The following TTC5 variants were observed in gnomAD, a reference collection of about 807,000 sequenced individuals.
TTC5 encodes the protein tetratricopeptide repeat protein 5.
A neutral mutation model predicts 57.4 loss-of-function variants in TTC5; 46 were observed. The observed-to-expected ratio is 0.80, with a 90% CI of 0.63 to 1.03. The LOEUF (loss-of-function observed/expected upper bound fraction) is 1.03, where lower values mean the gene tolerates loss of function less well. Among genes scored for constraint, TTC5 ranks in the 50% least tolerant of loss-of-function variants. The pLI is 0.00. For synonymous variants in TTC5, 190 were observed against 203.5 expected, an observed-to-expected ratio of 0.93 and a Z score of 0.57; for missense variants, 504 against 528.1, an observed-to-expected ratio of 0.95 and a Z score of 0.45.
chr14:20,300,258 C>G (rs903561713), intron 3 of TTC5: 1 of 165,422 alleles, frequency 6.0e-6, no homozygotes, highest in Non-Finnish European at 1.3e-5. Flanking sequence ...CTCGGCCTCT[C>G]AAAGTGCTAG....
rs769650392 is a variant in TTC5, at chr14:20,295,392, C to T, written c.978G>A (p.Thr326=). The T allele has an allele frequency of 1.1e-5, 18 of 1,614,052 alleles. No homozygotes were observed. Among genetic ancestry groups the T allele is most frequent in the South Asian group, 4.4e-5 (4 of 91,084 alleles). The change falls in exon 8 of 10, where the codon ACG becomes ACA. Residue 326 remains threonine (T), a synonymous_variant. Transcript: ENST00000258821. Reference sequence around the variant, plus strand: ...CACCGCTGTTCACCCCAGGCTGAAGCGTACTCAGTGGCTTGAGCTCCAGGG... The same window carrying T: ...CACCGCTGTTCACCCCAGGCTGAAGTGTACTCAGTGGCTTGAGCTCCAGGG... ...KVTLELKPLS[T]LQPGVNSGAV...
chr14:20,292,567 C>A (rs1881977462), intron 8 of TTC5: 1 of 152,458 alleles, frequency 6.6e-6, no homozygotes, highest in South Asian at 2.1e-4. Flanking sequence ...TGTAGTTTAA[C>A]TCCACAAACT....
Position 20,299,403 on chromosome 14 carries a change from G to A in TTC5, c.442C>T (p.Gln148Ter). 1 of 1,614,110 alleles carries A rather than the reference G, an allele frequency of 6.2e-7. No individual in the cohort carries two copies. Among genetic ancestry groups the A allele is most frequent in the Middle Eastern group, 1.6e-4 (1 of 6,062 alleles). ...TCATCTTCAGTGTCAGTCCGCAGCT[G>A]ACGAAGCACCATTGACAGGTTTTGC... is the stretch of plus-strand genomic sequence containing the variant. ...SLQNLSMVLR[Q>*]LRTDTEDEHS... is the part of the protein sequence containing the mutation. Residue 148 changes from glutamine to a stop codon, truncating the protein, a stop_gained, in exon 4 of 10, where the codon CAG becomes TAG. Coordinates refer to ENST00000258821, the MANE Select transcript of TTC5 (RefSeq NM_138376.3). LOFTEE classifies it high-confidence loss of function.
rs925308640 is a variant in TTC5, at chr14:20,288,140, TTA to T, written c.*1485_*1486del. ...GGACCAAAAGAATGGACTGAAAATT[TTA>T]TCTTATTAGACTCAGCCTTTATGAC... On this transcript the variant is annotated 3_prime_UTR_variant, in exon 10 of 10. Transcript: ENST00000258821. 3 of 152,162 alleles carry T rather than the reference TTA, an allele frequency of 2.0e-5. No individual in the cohort carries two copies. The highest frequency in any genetic ancestry group is 7.2e-5 in the African/African-American group (3 of 41,438). The allele number at this position is 152,162 out of a possible 1,614,324, so 9.4% of individuals were successfully genotyped here. A position where few individuals can be genotyped will look rare whatever the true frequency, so the allele number is the denominator to read the frequency against.
Position 20,298,880 on chromosome 14 carries a change from C to T in TTC5, c.556G>A (p.Gly186Arg). The change falls in exon 5 of 10, where the codon GGG becomes AGG. Residue 186 changes from glycine to arginine, a missense_variant. Coordinates refer to ENST00000258821, the MANE Select transcript of TTC5 (RefSeq NM_138376.3). Reference protein sequence around the residue: ...VHDGRSWYILGNSYLSLYFST... With the variant: ...VHDGRSWYILRNSYLSLYFST... ...AAGTAAAGGGAAAGATATGAATTCC[C>T]AAGAATATCTGAAAGAGAAACACAG... is the stretch of plus-strand genomic sequence containing the variant. 1 of 1,609,758 alleles carries T rather than the reference C, an allele frequency of 6.2e-7. No individual in the cohort carries two copies. Among genetic ancestry groups the T allele is most frequent in the Non-Finnish European group, 8.5e-7 (1 of 1,176,150 alleles).
chr14:20,304,806 TTTA>T (rs1480017586), intron 1 of TTC5, among the ~76,000 whole-genome samples: 5 of 152,322 alleles, frequency 3.3e-5, no homozygotes, highest in Admixed American at 3.3e-4. Flanking sequence ...GTTGTTTGGT[TTTA>T]TTGTTTGGTT....
intron 1 of TTC5, 61 bp from the exon 2 acceptor site, chr14:20,302,026 T>C (rs949138993): frequency 1.1e-5 from 18 of 1,589,594 alleles, no homozygotes; most frequent in Non-Finnish European, 1.4e-5. Flanking sequence ...AAACTTGAAA[T>C]TGGCTAGCCA....
Position 20,299,316 on chromosome 14 carries a change from G to A in TTC5, c.529C>T (p.His177Tyr). ...QAKLAVQMDV[H>Y]DGRSWYILGN... is the part of the protein sequence containing the mutation. ...CACTCACACCAGGAGCGGCCATCAT[G>A]GACATCCATCTGAACAGCCAACTTA... Residue 177 changes from histidine (H) to tyrosine (Y), a missense_variant, in exon 4 of 10, where the codon CAT becomes TAT. His to Tyr is a moderately conservative substitution (Grantham distance 83). Transcript: ENST00000258821. 1 of 1,613,826 alleles carries A rather than the reference G, an allele frequency of 6.2e-7. No individual in the cohort carries two copies. The highest frequency in any genetic ancestry group is 8.5e-7 in the Non-Finnish European group (1 of 1,179,824).
chr14:20,287,913 GA>G lies in TTC5; in HGVS notation c.*1713del, dbSNP rs1485605129. On this transcript the variant is annotated 3_prime_UTR_variant, in exon 10 of 10. Coordinates refer to ENST00000258821, the MANE Select transcript of TTC5 (RefSeq NM_138376.3). ...AAAATGACACCCAAAACTAATTTAA[GA>G]CTCCATATGTGGTATAACAGACAGT... 6.6e-6 allele frequency: 1 copy of G among 152,092 alleles called. No homozygotes were observed. Among genetic ancestry groups the G allele is most frequent in the African/African-American group, 2.4e-5 (1 of 41,406 alleles). 9.4% of individuals were successfully genotyped at this position (152,092 alleles called of 1,614,324 possible).
At position 20,286,487 on chromosome 14, in the gene TTC5, G is replaced by A. The variant is rs973207195; in HGVS notation, c.*3140C>T. On this transcript the variant is annotated 3_prime_UTR_variant, in exon 10 of 10. Coordinates refer to ENST00000258821, the MANE Select transcript of TTC5 (RefSeq NM_138376.3). ...ACAGACTGGGCTTTAAAGATCAGTA[G>A]GGAAAGGATTGATTCTTTAATAAAA... 1 of 151,988 alleles carries A rather than the reference G, an allele frequency of 6.6e-6. No homozygotes were observed. Among genetic ancestry groups the A allele is most frequent in the Non-Finnish European group, 1.5e-5 (1 of 67,978 alleles). The allele number at this position is 151,988 out of a possible 1,614,324, so 9.4% of individuals were successfully genotyped here. A position where few individuals can be genotyped will look rare whatever the true frequency, so the allele number is the denominator to read the frequency against.
At chr14:20,295,977 CAACA>C (rs1343599888) in intron 6 of TTC5, 123 bp from the exon 7 acceptor site, 1 of 974,404 alleles carries the variant, frequency 1.0e-6, no homozygotes, top group East Asian at 2.6e-5. Flanking sequence ...TCCTGTGCTG[CAACA>C]AACAGCCTGA....
rs753253142 is a variant in TTC5 at position 20,301,943 on chromosome 14, G to T, written c.74C>A (p.Ser25Ter). ...KLQELVDQLY[S>*]FRDCYFETHS... is the part of the protein sequence containing the mutation. Reference sequence around the variant, plus strand: ...TGTCTCGAAATAGCAGTCTCGAAATGAGTAGAGCTGATCCACGAGTTCCTA... The same window carrying T: ...TGTCTCGAAATAGCAGTCTCGAAATTAGTAGAGCTGATCCACGAGTTCCTA... Residue 25 changes from serine (S) to a stop codon, truncating the protein, a stop_gained, in exon 2 of 10, where the codon TCA becomes TAA. Coordinates refer to ENST00000258821, the MANE Select transcript of TTC5 (RefSeq NM_138376.3). LOFTEE classifies it high-confidence loss of function. 1 of 1,614,094 alleles carries T rather than the reference G, an allele frequency of 6.2e-7. No individual in the cohort carries two copies. Among genetic ancestry groups the T allele is most frequent in the Admixed American group, 1.7e-5 (1 of 60,024 alleles).
At chr14:20,300,157 T>TATATATATATATATATA (rs1566391974) in intron 3 of TTC5, among the ~76,000 whole-genome samples, 7 of 73,794 alleles carry the variant, frequency 9.5e-5, no homozygotes, top group Admixed American at 3.0e-4. Flanking sequence ...ATATATATAT[T>TATATATATATATATATA]TTTTTTTTTT....
chr14:20,300,155 ATTT>A lies in TTC5; in HGVS notation c.396+449_396+451del, dbSNP rs765208751. Among the ~76,000 whole-genome samples the A allele has an allele frequency of 7.6e-4, 68 of 89,316 alleles. 1 individual carries two copies. The East Asian group carries it at 0.019, about 25-fold the overall frequency. The allele number at this position is 89,316 out of a possible 152,430, so 58.6% of individuals were successfully genotyped here. On this transcript the variant is annotated intron_variant, in intron 3 of 9. Transcript: ENST00000258821. Reference sequence around the variant, plus strand: ...ACGTCTGGTCCATGTATATATATATATTTTTTTTTTTTTTTTTTTTTTTTGTAG... The same window carrying A: ...ACGTCTGGTCCATGTATATATATATATTTTTTTTTTTTTTTTTTTTTGTAG...
At chr14:20,301,046 T>A (rs563072213) in intron 2 of TTC5, among the ~76,000 whole-genome samples, 1 of 152,332 alleles carries the variant, frequency 6.6e-6, no homozygotes, top group South Asian at 2.1e-4. Flanking sequence ...CTTGGGCCCC[T>A]ATCTACAAGG....
rs996574093 is a variant in TTC5 at position 20,289,472 on chromosome 14, G to C, written c.*155C>G. ...TGGAACATGATGAGGACAGAGGAGA[G>C]AGAAGAGATACGAAGTGTAATACAG... On this transcript the variant is annotated 3_prime_UTR_variant, in exon 10 of 10. Transcript: ENST00000258821. The C allele has an allele frequency of 1.8e-5, 15 of 856,886 alleles. No homozygotes were observed. The highest frequency in any genetic ancestry group is 5.9e-5 in the Admixed American group (2 of 34,062). The allele number at this position is 856,886 out of a possible 1,614,324, so 53.1% of individuals were successfully genotyped here.
At position 20,287,504 on chromosome 14, in the gene TTC5, G is replaced by A. The variant is rs1241890676; in HGVS notation, c.*2123C>T. The A allele has an allele frequency of 1.3e-5, 2 of 152,184 alleles. No homozygotes were observed. Among genetic ancestry groups the A allele is most frequent in the Non-Finnish European group, 2.9e-5 (2 of 68,022 alleles). The allele number at this position is 152,184 out of a possible 1,614,324, so 9.4% of individuals were successfully genotyped here. On this transcript the variant is annotated 3_prime_UTR_variant, in exon 10 of 10. Transcript: ENST00000258821. ...ACAATGAGATTTATATAGCTGTGAA[G>A]ACAAATGAGATCATGGAGAGGTATG...
At chr14:20,303,439 C>A (rs1349959250) in intron 1 of TTC5, among the ~76,000 whole-genome samples, 1 of 152,184 alleles carries the variant, frequency 6.6e-6, no homozygotes, top group Non-Finnish European at 1.5e-5. Context: ...ATATCCTATT[C>A]TTTCCTGAAA....
At position 20,289,130 on chromosome 14, in the gene TTC5, G is replaced by GT. The variant is rs34313129; in HGVS notation, c.*496dup. On this transcript the variant is annotated 3_prime_UTR_variant, in exon 10 of 10. Coordinates refer to ENST00000258821, the MANE Select transcript of TTC5 (RefSeq NM_138376.3). Reference sequence around the variant, plus strand: ...AATAAAGCAGGCCAAACTACGTGGTGTTTTTTTTTTTTTCCAAACAAATTT... The same window carrying GT: ...AATAAAGCAGGCCAAACTACGTGGTGTTTTTTTTTTTTTTCCAAACAAATTT... 95,187 of 146,322 alleles carry GT rather than the reference G, an allele frequency of 0.65. 30,898 individuals are homozygous for GT. Among genetic ancestry groups the GT allele is most frequent in the South Asian group, 0.75 (3,499 of 4,672 alleles). 9.1% of individuals were successfully genotyped at this position (146,322 alleles called of 1,614,324 possible). A position where few individuals can be genotyped will look rare whatever the true frequency, so the allele number is the denominator to read the frequency against.
Sources: gnomAD v4.1 joint callset for allele counts (sites outside exome capture counted in the v4.1 genomes callset) on GRCh38, gnomAD v4.1.1 for gene constraint, MANE v1.5 for transcripts, NCBI Gene and HGNC (gene_info 2026-07-23, HGNC 2026-07-21) for gene names.